Variants in AGBL1 observed in about 807,000 individuals in gnomAD.
The protein encoded by AGBL1 is AGBL carboxypeptidase 1, also known as cytosolic carboxypeptidase 4.
A neutral mutation model predicts 118.9 loss-of-function variants in AGBL1; 130 were observed. That is an observed-to-expected ratio of 1.09 (90% CI 0.95 to 1.26). AGBL1 has a LOEUF of 1.26. AGBL1 is among the 50% of genes most tolerant of loss of function. AGBL1 has a pLI of 0.00. For synonymous variants in AGBL1, 555 were observed against 478.9 expected (o/e 1.16, Z -2.08); for missense variants, 1,584 against 1,298.1 (o/e 1.22, Z -3.38).
intron 21 of AGBL1, among the ~76,000 whole-genome samples, chr15:86,638,065 C>T (rs1051640106): frequency 9.9e-5 from 15 of 152,096 alleles, no homozygotes; most frequent in Non-Finnish European, 1.8e-4. Context: ...ATACTTCATA[C>T]TTCGGGACTA....
chr15:86,146,092 G>A (rs768913006), intron 3 of AGBL1, among the ~76,000 whole-genome samples: 1 of 152,122 alleles, frequency 6.6e-6, no homozygotes, highest in African/African-American at 2.4e-5. Flanking sequence ...ACACTTATTA[G>A]CTGTGTGACC....
intron 23 of AGBL1, among the ~76,000 whole-genome samples, chr15:86,952,058 C>A (rs371637111): frequency 7.8e-4 from 119 of 152,122 alleles, no homozygotes; most frequent in Middle Eastern, 3.4e-3. Flanking sequence ...TGGTGAAACC[C>A]CGTCTCTACT....
At chr15:86,585,183 T>C (rs1335300878) in intron 21 of AGBL1, among the ~76,000 whole-genome samples, 1 of 152,182 alleles carries the variant, frequency 6.6e-6, no homozygotes, top group Non-Finnish European at 1.5e-5. Context: ...TTTCTTTCTC[T>C]TGCCTGATTG....
At chr15:86,548,673 A>G (rs1212552305) in intron 20 of AGBL1, among the ~76,000 whole-genome samples, 1 of 149,562 alleles carries the variant, frequency 6.7e-6, no homozygotes, top group East Asian at 1.9e-4. Flanking sequence ...GCACACACAC[A>G]CACACACACA....
chr15:86,887,273 A>G (rs1567224524), intron 22 of AGBL1, among the ~76,000 whole-genome samples: 2 of 152,118 alleles, frequency 1.3e-5, no homozygotes, highest in East Asian at 3.9e-4. Flanking sequence ...CTACCTACCT[A>G]TCTATCATTT....
At position 86,279,650 on chromosome 15, in the gene AGBL1, G is replaced by A. The variant is rs376573682; in HGVS notation, c.2087G>A (p.Arg696His). ...HEICYYKNHY[R>H]QSTAVAGGAS... is the part of the protein sequence containing the mutation. ...TCCTCTCTCTTTAGAAATCATTATC[G>A]CCAGAGTACAGCTGTTGCAGGCGGA... Residue 696 changes from arginine to histidine, a missense_variant, in exon 16 of 23, where the codon CGC (arginine) becomes CAC (histidine). By Grantham distance (29) the Arg-to-His change is conservative. Coordinates refer to ENST00000614907, the MANE Select transcript of AGBL1 (RefSeq NM_001386094.1). 71 of 1,612,944 alleles carry A rather than the reference G, an allele frequency of 4.4e-5. No individual in the cohort carries two copies. The highest frequency in any genetic ancestry group is 3.4e-4 in the South Asian group (31 of 91,040).
chr15:86,276,919 C>G (rs2079261737), intron 15 of AGBL1, among the ~76,000 whole-genome samples: 1 of 152,098 alleles, frequency 6.6e-6, no homozygotes, highest in African/African-American at 2.4e-5. Context: ...ATTTATCAAA[C>G]ATTTGGCTTT....
chr15:86,505,364 C>G (rs1263938936), intron 18 of AGBL1, among the ~76,000 whole-genome samples: 1 of 151,772 alleles, frequency 6.6e-6, no homozygotes, highest in African/African-American at 2.4e-5. Flanking sequence ...CTCTTTGTCT[C>G]TCTATTGCTT....
At chr15:86,262,943 T>C (rs2079016723) in intron 10 of AGBL1, 49 bp downstream of exon 10, 2 of 1,435,156 alleles carry the variant, frequency 1.4e-6, no homozygotes, top group Middle Eastern at 1.7e-4. Context: ...TGATGGGTTC[T>C]TTGCAGATCC....
intron 17 of AGBL1, among the ~76,000 whole-genome samples, chr15:86,392,075 T>C (rs544861801): frequency 2.0e-5 from 3 of 152,164 alleles, no homozygotes; most frequent in Admixed American, 6.5e-5. Context: ...ACATTCCAGA[T>C]AGGGATAAAG....
chr15:86,167,107 C>T (rs2077352351), intron 5 of AGBL1, among the ~76,000 whole-genome samples: 1 of 152,124 alleles, frequency 6.6e-6, no homozygotes, highest in South Asian at 2.1e-4. Flanking sequence ...TCACACCTTC[C>T]TCACAACACT....
intron 23 of AGBL1, among the ~76,000 whole-genome samples, chr15:86,927,947 T>TATAA (rs1246573936): frequency 1.7e-4 from 26 of 151,892 alleles, no homozygotes; most frequent in East Asian, 1.5e-3. Flanking sequence ...TATATATATA[T>TATAA]AAAATGTGTG....
chr15:86,267,303 ATAG>A (rs1313689301), intron 13 of AGBL1, among the ~76,000 whole-genome samples: 1 of 42,756 alleles, frequency 2.3e-5, no homozygotes, highest in African/African-American at 1.4e-4. Flanking sequence ...TACTGATATC[ATAG>A]CTACACTGAT....
intron 1 of AGBL1, among the ~76,000 whole-genome samples, chr15:86,116,019 T>C (rs1223659032): frequency 6.6e-6 from 1 of 152,202 alleles, no homozygotes; most frequent in Non-Finnish European, 1.5e-5. Flanking sequence ...AATTCTCTTA[T>C]AGGAAGGAAA....
intron 23 of AGBL1, among the ~76,000 whole-genome samples, chr15:86,983,321 C>G (rs1011600732): frequency 6.6e-6 from 1 of 152,226 alleles, no homozygotes; most frequent in South Asian, 2.1e-4. Context: ...ACTATCATCT[C>G]CCAGACCATG....
intron 23 of AGBL1, among the ~76,000 whole-genome samples, chr15:86,937,643 A>C (rs1032935494): frequency 6.6e-6 from 1 of 152,170 alleles, no homozygotes; most frequent in African/African-American, 2.4e-5. Flanking sequence ...ACTGAGTTCT[A>C]CTTGAGGATG....
chr15:86,902,383 T>C (rs141023394), intron 22 of AGBL1, among the ~76,000 whole-genome samples: 34 of 151,922 alleles, frequency 2.2e-4, no homozygotes, highest in African/African-American at 6.8e-4. Context: ...TCTTAAATAT[T>C]TATATAATAT....
intron 22 of AGBL1, among the ~76,000 whole-genome samples, chr15:86,837,239 A>AG (rs2079182056): frequency 6.6e-6 from 1 of 151,724 alleles, no homozygotes; most frequent in Non-Finnish European, 1.5e-5. Context: ...AAAAAAAAAA[A>AG]TGCCATTTAG....
chr15:86,216,249 T>TATTTATTC (rs2078187083), intron 5 of AGBL1, among the ~76,000 whole-genome samples: 1 of 152,068 alleles, frequency 6.6e-6, no homozygotes, highest in African/African-American at 2.4e-5. Flanking sequence ...TTTATTTATT[T>TATTTATTC]ATTTATTCAT....
Sources: allele counts gnomAD v4.1 joint callset (sites outside exome capture counted in the v4.1 genomes callset), GRCh38; gene constraint gnomAD v4.1.1; transcripts MANE v1.5; gene names NCBI Gene and HGNC (gene_info 2026-07-23, HGNC 2026-07-21).